CEP128: variants seen among roughly 807,000 people sequenced by gnomAD.
CEP128 encodes the protein centrosomal protein 128, also known as centrosomal protein 128kDa.
Under a neutral mutation model 156.7 loss-of-function variants are expected in CEP128, and 132 were observed. The observed-to-expected ratio is 0.84, with a 90% confidence interval of 0.73 to 0.97. The LOEUF (loss-of-function observed/expected upper bound fraction) is 0.97. Among genes scored for constraint, CEP128 ranks in the 50% least tolerant of loss-of-function variants. CEP128 has a pLI of 0.00. For synonymous variants in CEP128, 469 were observed against 448.9 expected, an observed-to-expected ratio of 1.04 and a Z score of -0.57; for missense variants, 1,252 against 1,281.9, an observed-to-expected ratio of 0.98 and a Z score of 0.36.
chr14:80,514,403 CTTCA>C (rs1888394466), intron 23 of CEP128, among the ~76,000 whole-genome samples: 1 of 151,720 alleles, frequency 6.6e-6, no homozygotes, highest in Non-Finnish European at 1.5e-5. Context: ...TATAGGTGTA[CTTCA>C]TTATTTTTTT....
At chr14:80,905,010 A>G (rs960446783) in intron 5 of CEP128, 79 bp from the exon 6 acceptor site, 6 of 814,338 alleles carry the variant, frequency 7.4e-6, no homozygotes, top group Admixed American at 1.8e-5. Flanking sequence ...CAGTACAAAC[A>G]TGGCAGACAT....
upstream of CEP128, among the ~76,000 whole-genome samples, chr14:80,944,376 T>C (rs1355850150): frequency 2.0e-5 from 3 of 152,120 alleles, no homozygotes; most frequent in Non-Finnish European, 4.4e-5. Flanking sequence ...TGATAGTGAG[T>C]GAGTTCTCAG....
chr14:80,888,243 A>C (rs1888907519), intron 8 of CEP128, among the ~76,000 whole-genome samples: 1 of 152,240 alleles, frequency 6.6e-6, no homozygotes, highest in Non-Finnish European at 1.5e-5. Context: ...TATTCCAAAC[A>C]ATAGAAAAAA....
intron 19 of CEP128, among the ~76,000 whole-genome samples, chr14:80,635,126 T>G (rs1894127269): frequency 6.6e-6 from 1 of 152,230 alleles, no homozygotes; most frequent in African/African-American, 2.4e-5. Flanking sequence ...CTACCTATAA[T>G]GCCTGCTTCT....
At chr14:80,620,906 G>A (rs1256625533) in intron 19 of CEP128, among the ~76,000 whole-genome samples, 1 of 152,154 alleles carries the variant, frequency 6.6e-6, no homozygotes, top group African/African-American at 2.4e-5. Context: ...AACACGTAGA[G>A]ATGAAAAGTG....
At chr14:80,701,934 T>A (rs976388593) in intron 19 of CEP128, among the ~76,000 whole-genome samples, 2 of 152,158 alleles carry the variant, frequency 1.3e-5, no homozygotes, top group Non-Finnish European at 1.5e-5. Flanking sequence ...CTCCAAGATG[T>A]GCACATGAAT....
chr14:80,955,060 G>A (rs1296779313), intron 2 of CEP128: 1 of 159,788 alleles, frequency 6.3e-6, no homozygotes, highest in Non-Finnish European at 1.4e-5. Context: ...GCAGGGCGAC[G>A]GCTTCGGCCG....
At chr14:80,606,403 T>C (rs1285777672) in intron 19 of CEP128, among the ~76,000 whole-genome samples, 10 of 152,112 alleles carry the variant, frequency 6.6e-5, no homozygotes, top group Non-Finnish European at 1.0e-4. Context: ...GTGAGACTTG[T>C]AGATAGAATC....
Position 80,899,920 on chromosome 14 carries a change from A to T in CEP128, c.572+18T>A. The T allele has an allele frequency of 1.3e-6, 2 of 1,570,452 alleles. No individual in the cohort carries two copies. The highest frequency in any genetic ancestry group is 1.7e-4 in the Middle Eastern group (1 of 5,970). ...CTCATAATTTATCCCTCCCATAAAA[A>T]CCATAGGCTGCTTTTACCGGCTCCT... On this transcript the variant is annotated intron_variant, in intron 7 of 24. Transcript: ENST00000555265.
chr14:80,518,295 T>C lies in CEP128; in HGVS notation c.3072+8574A>G, dbSNP rs144217875. On this transcript the variant is annotated intron_variant, in intron 23 of 24. Transcript: ENST00000555265. ...TGAGCTAAGTTGCAAGCCCCGTATTTAAAGGTGGATGCAGTCACCTTCCCA... is the reference window on the plus strand; with the variant it reads ...TGAGCTAAGTTGCAAGCCCCGTATTCAAAGGTGGATGCAGTCACCTTCCCA... Among the ~76,000 whole-genome samples the C allele has an allele frequency of 5.5e-4, 83 of 151,854 alleles. No homozygotes were observed. In the East Asian group the frequency reaches 0.016, roughly 29 times the overall value.
chr14:80,857,430 G>A (rs1001425993), intron 9 of CEP128, among the ~76,000 whole-genome samples: 10 of 151,900 alleles, frequency 6.6e-5, no homozygotes, highest in African/African-American at 2.2e-4. Context: ...ATGGGTATAG[G>A]CTTAACAACA....
chr14:80,733,787 C>A (rs118047331), intron 19 of CEP128, among the ~76,000 whole-genome samples: 1 of 152,154 alleles, frequency 6.6e-6, no homozygotes, highest in African/African-American at 2.4e-5. Context: ...ATTATGTAAA[C>A]CATTCTGGAC....
intron 19 of CEP128, among the ~76,000 whole-genome samples, chr14:80,733,367 TG>T (rs1436787235): frequency 6.6e-6 from 1 of 151,662 alleles, no homozygotes; most frequent in African/African-American, 2.4e-5. Context: ...TGTGTGTGTG[TG>T]TGTGTGTGTG....
chr14:80,599,384 T>C (rs1892485554), intron 19 of CEP128, among the ~76,000 whole-genome samples: 1 of 149,728 alleles, frequency 6.7e-6, no homozygotes, highest in African/African-American at 2.5e-5. Context: ...GCCATTCTCC[T>C]GCCTCAGCCT....
At chr14:80,810,659 A>G (rs1392040745) in intron 13 of CEP128, among the ~76,000 whole-genome samples, 1 of 152,162 alleles carries the variant, frequency 6.6e-6, no homozygotes, top group Non-Finnish European at 1.5e-5. Flanking sequence ...TGTACAATGC[A>G]TTAGTGATAA....
chr14:80,487,346 C>T (rs887387913), downstream of CEP128, among the ~76,000 whole-genome samples: 4 of 152,164 alleles, frequency 2.6e-5, no homozygotes, highest in African/African-American at 9.7e-5. Context: ...TATATATGCA[C>T]CCAATACTGG....
At chr14:80,519,756 CTCCATCTACCCATCTT>C (rs1395096997) in intron 23 of CEP128, among the ~76,000 whole-genome samples, 1 of 152,166 alleles carries the variant, frequency 6.6e-6, no homozygotes, top group Non-Finnish European at 1.5e-5. Flanking sequence ...CTATGATTGT[CTCCATCTACCCATCTT>C]TCCATCTACT....
intron 19 of CEP128, among the ~76,000 whole-genome samples, chr14:80,621,509 T>C (rs1193940532): frequency 1.3e-5 from 2 of 152,174 alleles, no homozygotes; most frequent in Non-Finnish European, 2.9e-5. Context: ...AGGGATGATA[T>C]TAAGTGAGAT....
intron 2 of CEP128, among the ~76,000 whole-genome samples, chr14:80,921,387 G>A (rs1594848889): frequency 6.6e-6 from 1 of 152,198 alleles, no homozygotes; most frequent in South Asian, 2.1e-4. Flanking sequence ...CCCTCACCAG[G>A]TGATACCCTG....
Sources: gnomAD v4.1 joint callset for allele counts (sites outside exome capture counted in the v4.1 genomes callset) on GRCh38, gnomAD v4.1.1 for gene constraint, MANE v1.5 for transcripts, NCBI Gene and HGNC (gene_info 2026-07-23, HGNC 2026-07-21) for gene names.